The following PGD variants were observed in gnomAD, a reference collection of about 807,000 sequenced individuals.
The protein encoded by PGD is 6-phosphogluconate dehydrogenase, decarboxylating.
Under a neutral mutation model 60.4 loss-of-function variants are expected in PGD, and 21 were observed. That is an observed-to-expected ratio of 0.35 (90% CI 0.25 to 0.50). PGD has a LOEUF of 0.50. PGD is among the 20% of genes least tolerant of loss of function. The probability of loss-of-function intolerance (pLI) is 0.98; values close to 1 mark genes in which losing one functional copy is unlikely to be tolerated. For synonymous variants in PGD, 230 were observed against 235.9 expected (o/e 0.97, Z 0.23); for missense variants, 477 against 613.1 (o/e 0.78, Z 2.34).
intron 8 of PGD, chr1:10,415,221 T>A (rs1194595618): frequency 6.6e-6 from 1 of 152,218 alleles, no homozygotes; most frequent in Non-Finnish European, 1.5e-5. Flanking sequence ...TGCCTCGCCC[T>A]ATTGAACTGT....
In PGD at chr1:10,411,454, G is replaced by T. The variant is rs1461233547; in HGVS notation, c.556G>T (p.Val186Leu). The T allele has an allele frequency of 6.2e-7, 1 of 1,614,022 alleles. No individual in the cohort carries two copies. The highest frequency in any genetic ancestry group is 1.1e-5 in the South Asian group (1 of 91,078). ...GGGAGCAGGCCACTTCGTGAAGATG[G>T]TGCACAACGGGATAGAGTATGGGGA... ...DEGAGHFVKM[V>L]HNGIEYGDMQ... The change falls in exon 7 of 13, where the codon GTG (valine) becomes TTG (leucine). Residue 186 changes from valine (V) to leucine (L), a missense_variant. Physicochemically the swap from Val to Leu is conservative, Grantham distance 32. Transcript: ENST00000270776.
chr1:10,408,103 C>T lies in PGD; in HGVS notation c.482C>T (p.Ala161Val). ...PHIKTIFQGIAAKVGTGEPCC... is the reference protein window; with the variant it reads ...PHIKTIFQGIVAKVGTGEPCC... ...ATCAAGACCATCTTCCAAGGCATTG[C>T]TGCAAAAGTGGGAACTGGAGAACCC... The change falls in exon 6 of 13, where the codon GCT becomes GTT. Residue 161 changes from alanine (A) to valine (V), a missense_variant. Coordinates refer to ENST00000270776, the MANE Select transcript of PGD (RefSeq NM_002631.4). 6.2e-7 allele frequency: 1 copy of T among 1,608,216 alleles called. No homozygotes were observed. Among genetic ancestry groups the T allele is most frequent in the Non-Finnish European group, 8.5e-7 (1 of 1,174,562 alleles).
At chr1:10,408,230 A>G (rs1639441449) in intron 6 of PGD, 90 bp downstream of exon 6, 1 of 784,604 alleles carries the variant, frequency 1.3e-6, no homozygotes, top group African/African-American at 1.7e-5. Flanking sequence ...GTGGTCTCCC[A>G]GGGGTTAGCT....
intron 11 of PGD, 56 bp from the exon 12 acceptor site, chr1:10,419,360 TC>T: frequency 6.4e-7 from 1 of 1,570,904 alleles, no homozygotes. Flanking sequence ...TGAATGAAAA[TC>T]TATCCGCGTC....
At chr1:10,408,487 T>G (rs1232097968) in intron 6 of PGD, among the ~76,000 whole-genome samples, 2 of 152,222 alleles carry the variant, frequency 1.3e-5, no homozygotes, top group African/African-American at 4.8e-5. Flanking sequence ...AAGTGGCGTT[T>G]GCTTGCATGG....
chr1:10,411,329 C>T (rs1426182602), intron 6 of PGD, 89 bp from the exon 7 acceptor site: 1 of 1,472,224 alleles, frequency 6.8e-7, no homozygotes, highest in African/African-American at 1.4e-5. Flanking sequence ...GGTAGCCTTG[C>T]CAGGGATGTT....
chr1:10,400,641 C>T, intron 3 of PGD, 69 bp downstream of exon 3: 2 of 1,211,574 alleles, frequency 1.7e-6, no homozygotes, highest in Non-Finnish European at 2.3e-6. Flanking sequence ...TTTAGTTCTC[C>T]TTCTTTTAAC....
At position 10,420,019 on chromosome 1, in the gene PGD, G is replaced by A. The variant is rs560336478; in HGVS notation, c.*270G>A. 6.0e-4 allele frequency: 265 copies of A among 438,396 alleles called. 6 individuals are homozygous for A. Among genetic ancestry groups the A allele is most frequent in the South Asian group, 5.3e-3 (225 of 42,646 alleles). The allele number at this position is 438,396 out of a possible 1,614,324, so 27.2% of individuals were successfully genotyped here. On this transcript the variant is annotated 3_prime_UTR_variant, in exon 13 of 13. Coordinates refer to ENST00000270776, the MANE Select transcript of PGD (RefSeq NM_002631.4). ...TGCGGCAGTGGCTTCCGCGTGCCCCGTGTGCTGGTGCGGTTCCCATCACGC... is the reference window on the plus strand; with the variant it reads ...TGCGGCAGTGGCTTCCGCGTGCCCCATGTGCTGGTGCGGTTCCCATCACGC...
At chr1:10,406,622 C>T (rs1051972221) in intron 5 of PGD, among the ~76,000 whole-genome samples, 2 of 152,168 alleles carry the variant, frequency 1.3e-5, no homozygotes, top group Admixed American at 1.3e-4. Context: ...CTGTCTTCAT[C>T]CCTAATCCTA....
At chr1:10,415,207 A>G (rs889934587) in intron 8 of PGD, 2 of 152,002 alleles carry the variant, frequency 1.3e-5, no homozygotes, top group African/African-American at 4.8e-5. Context: ...CTCCCTGTTC[A>G]TTGTGCCTCG....
Position 10,404,164 on chromosome 1 carries a change from C to T in PGD, c.334C>T (p.Arg112Trp), listed in dbSNP as rs771917883. The T allele has an allele frequency of 3.2e-5, 52 of 1,602,352 alleles. No homozygotes were observed. The highest frequency in any genetic ancestry group is 4.3e-5 in the Non-Finnish European group (51 of 1,172,794). ...AAATTATTTTTCTGTCCTTCAGAGA[C>T]GGTGCCGAGACCTCAAGGCCAAGGG... ...GNSEYRDTTRRCRDLKAKGIL... is the reference protein window; with the variant it reads ...GNSEYRDTTRWCRDLKAKGIL... Residue 112 changes from arginine to tryptophan, a missense_variant, in exon 5 of 13, where the codon CGG (arginine) becomes TGG (tryptophan). Physicochemically the swap from Arg to Trp is moderately radical, Grantham distance 101. Transcript: ENST00000270776.
chr1:10,402,943 A>G (rs552055667), intron 3 of PGD, 128 bp from the exon 4 acceptor site: 2 of 706,968 alleles, frequency 2.8e-6, no homozygotes. Flanking sequence ...GCACTCCTGC[A>G]TTCCAAGCTG....
intron 5 of PGD, 42 bp downstream of exon 5, chr1:10,404,321 C>G (rs750977675): frequency 3.1e-6 from 4 of 1,280,848 alleles, no homozygotes; most frequent in Non-Finnish European, 4.4e-6. Flanking sequence ...TACAAGGGAG[C>G]TGGACTTTGA....
At position 10,418,884 on chromosome 1, in the gene PGD, C is replaced by T. The variant is rs1411928131; in HGVS notation, c.1168C>T (p.Leu390=). The T allele has an allele frequency of 1.2e-6, 2 of 1,612,374 alleles. No homozygotes were observed. Among genetic ancestry groups the T allele is most frequent in the Admixed American group, 1.7e-5 (1 of 59,986 alleles). ...FDRNPELQNL[L]LDDFFKSAVE... ...TCGAAACCCGGAACTTCAGAACCTC[C>T]TACTGGACGACTTCTTTAAGTCAGC... The change falls in exon 11 of 13, where the codon CTA becomes TTA. Residue 390 remains leucine, a synonymous_variant. Transcript: ENST00000270776.
intron 11 of PGD, 29 bp from the exon 12 acceptor site, chr1:10,419,388 T>A (rs1344277617): frequency 6.2e-7 from 1 of 1,604,488 alleles, no homozygotes; most frequent in Admixed American, 1.7e-5. Flanking sequence ...GGCAGATCAC[T>A]AATCTCTGGC....
chr1:10,406,937 G>A (rs1639417785), intron 5 of PGD, among the ~76,000 whole-genome samples: 1 of 152,174 alleles, frequency 6.6e-6, no homozygotes, highest in Non-Finnish European at 1.5e-5. Context: ...ATAAAGAAAA[G>A]GGAAAAAATT....
intron 7 of PGD, among the ~76,000 whole-genome samples, chr1:10,411,831 C>G (rs1433212679): frequency 6.6e-6 from 1 of 152,242 alleles, no homozygotes; most frequent in Admixed American, 6.5e-5. Context: ...GTCCCATTTA[C>G]TCCCACAGTT....
Position 10,419,502 on chromosome 1 carries a change from G to A in PGD, c.1295G>A (p.Gly432Glu). 1 of 1,614,174 alleles carries A rather than the reference G, an allele frequency of 6.2e-7. No homozygotes were observed. Among genetic ancestry groups the A allele is most frequent in the Admixed American group, 1.7e-5 (1 of 60,028 alleles). ...CFTTALSFYD[G>E]YRHEMLPASL... Reference sequence around the variant, plus strand: ...ACCACTGCCCTCTCCTTCTATGACGGGTACAGACATGAGATGCTTCCAGCC... The same window carrying A: ...ACCACTGCCCTCTCCTTCTATGACGAGTACAGACATGAGATGCTTCCAGCC... Residue 432 changes from glycine to glutamate, a missense_variant, in exon 12 of 13, where the codon GGG becomes GAG. Gly to Glu is a moderately conservative substitution (Grantham distance 98). Coordinates refer to ENST00000270776, the MANE Select transcript of PGD (RefSeq NM_002631.4).
intron 7 of PGD, chr1:10,412,850 TG>T: frequency 1.9e-6 from 1 of 513,270 alleles, no homozygotes; most frequent in Non-Finnish European, 3.5e-6. Flanking sequence ...ACACTTCTGG[TG>T]GCCAGAAATT....
Sources: allele counts gnomAD v4.1 joint callset (sites outside exome capture counted in the v4.1 genomes callset), GRCh38; gene constraint gnomAD v4.1.1; transcripts MANE v1.5; gene names NCBI Gene and HGNC (gene_info 2026-07-23, HGNC 2026-07-21).